Variants in TANC1 observed in about 807,000 individuals in gnomAD.
TANC1 encodes the protein protein TANC1.
In TANC1, 77 loss-of-function variants were observed where a neutral mutation model predicts 149.7. The observed-to-expected ratio is 0.51, with a 90% CI of 0.43 to 0.62. TANC1 has a LOEUF of 0.62. TANC1 is among the 20% of genes least tolerant of loss of function. TANC1 has a pLI of 0.00. For missense variants in TANC1, 1,985 were observed against 2,321.8 expected (o/e 0.85, Z 2.98); for synonymous variants, 854 against 925.0 (o/e 0.92, Z 1.39).
At position 159,219,664 on chromosome 2, in the gene TANC1, A is replaced by G. The variant is rs543046954; in HGVS notation, c.3503-28A>G. On this transcript the variant is annotated intron_variant, in intron 21 of 26. Transcript: ENST00000263635. Reference sequence around the variant, plus strand: ...CTGGCTTTGTCATCTCATAATGTTCATGTTCTGTGAATGGGCTTTCCTTTC... The same window carrying G: ...CTGGCTTTGTCATCTCATAATGTTCGTGTTCTGTGAATGGGCTTTCCTTTC... The G allele has an allele frequency of 4.3e-6, 7 of 1,613,816 alleles. No homozygotes were observed. In the African/African-American group the frequency reaches 8.0e-5, roughly 18 times the overall value.
At chr2:159,091,970 GT>G (rs59083447) in intron 3 of TANC1, among the ~76,000 whole-genome samples, 12,622 of 148,880 alleles carry the variant, frequency 0.085, 1,388 homozygotes, top group African/African-American at 0.26. Flanking sequence ...ATAGGGGGGG[GT>G]GTGTGTGTGT....
chr2:159,184,786 G>A (rs2056820549), intron 14 of TANC1, among the ~76,000 whole-genome samples: 1 of 152,152 alleles, frequency 6.6e-6, no homozygotes. Context: ...AAAACTTCAG[G>A]CCATTACAAG....
intron 7 of TANC1, among the ~76,000 whole-genome samples, chr2:159,162,024 G>A (rs932500212): frequency 3.3e-5 from 5 of 152,356 alleles, no homozygotes; most frequent in South Asian, 4.1e-4. Context: ...CAACCAGAGA[G>A]GGTGATAAGT....
chr2:159,228,939 G>T (rs770906180), intron 26 of TANC1, 43 bp downstream of exon 26: 6 of 1,520,338 alleles, frequency 3.9e-6, no homozygotes, highest in Non-Finnish European at 9.1e-7. Flanking sequence ...TTTTTTTCTT[G>T]TGGGATCAAA....
chr2:159,115,677 A>AT (rs1418716854), intron 4 of TANC1, among the ~76,000 whole-genome samples: 1 of 151,876 alleles, frequency 6.6e-6, no homozygotes, highest in African/African-American at 2.4e-5. Flanking sequence ...CCCTTAACTC[A>AT]TTTTTTGCAT....
In TANC1 at chr2:159,231,113, T is replaced by C. The variant is rs2060315601; in HGVS notation, c.*101T>C. ...TCAGAAAAATTATTTTTTAGCCATT[T>C]TTTTTCTTTGGGGTGGATCTGATGC... On this transcript the variant is annotated 3_prime_UTR_variant, in exon 27 of 27. Coordinates refer to ENST00000263635, the MANE Select transcript of TANC1 (RefSeq NM_033394.3). 2 of 1,057,898 alleles carry C rather than the reference T, an allele frequency of 1.9e-6. No homozygotes were observed. Among genetic ancestry groups the C allele is most frequent in the Non-Finnish European group, 2.7e-6 (2 of 743,496 alleles). The allele number at this position is 1,057,898 out of a possible 1,614,324, so 65.5% of individuals were successfully genotyped here. A position where few individuals can be genotyped will look rare whatever the true frequency, so the allele number is the denominator to read the frequency against.
At chr2:159,227,781 C>T in intron 24 of TANC1, 38 bp from the exon 25 acceptor site, 1 of 1,611,182 alleles carries the variant, frequency 6.2e-7, no homozygotes, top group Non-Finnish European at 8.5e-7. Context: ...TTTAGAACCT[C>T]TGAAAAAGGA....
chr2:159,158,950 A>G (rs1318117265), intron 7 of TANC1, among the ~76,000 whole-genome samples: 2 of 152,138 alleles, frequency 1.3e-5, no homozygotes, highest in Non-Finnish European at 2.9e-5. Flanking sequence ...GTTCTGATGA[A>G]TTGTTTGTGG....
chr2:159,228,904 C>G lies in TANC1; in HGVS notation c.4151+8C>G, dbSNP rs750807322. ...AGCGAAGAGAAATAGCAGGTACCGT[C>G]TGTGGTTATCTTTGTGTCTAGAGCT... On this transcript the variant is annotated splice_region_variant and intron_variant, in intron 26 of 26. Transcript: ENST00000263635. 6.2e-7 allele frequency: 1 copy of G among 1,607,012 alleles called. No homozygotes were observed. The highest frequency in any genetic ancestry group is 8.5e-7 in the Non-Finnish European group (1 of 1,173,648).
Position 159,194,480 on chromosome 2 carries a change from A to G in TANC1, c.2966A>G (p.Lys989Arg). 4.3e-6 allele frequency: 7 copies of G among 1,614,118 alleles called. No individual in the cohort carries two copies. Among genetic ancestry groups the G allele is most frequent in the South Asian group, 1.1e-5 (1 of 91,080 alleles). Residue 989 changes from lysine (K) to arginine (R), a missense_variant, in exon 17 of 27, where the codon AAG becomes AGG. Transcript: ENST00000263635. ...GHMKLVCLLT[K>R]KGVRVDHLDK... is the part of the protein sequence containing the mutation. ...ATGAAGCTGGTGTGTCTGCTGACCAAGAAGGGAGTGAGAGTAAGCGGCAGC... is the reference window on the plus strand; with the variant it reads ...ATGAAGCTGGTGTGTCTGCTGACCAGGAAGGGAGTGAGAGTAAGCGGCAGC...
At chr2:159,122,498 A>G (rs142225567) in intron 4 of TANC1, among the ~76,000 whole-genome samples, 74 of 152,214 alleles carry the variant, frequency 4.9e-4, no homozygotes, top group East Asian at 1.5e-3. Context: ...TTCTCATTGT[A>G]CAGATCTGTG....
chr2:159,023,827 G>A (rs11690570), intron 2 of TANC1, among the ~76,000 whole-genome samples: 1 of 151,978 alleles, frequency 6.6e-6, no homozygotes, highest in African/African-American at 2.4e-5. Flanking sequence ...AATTAACTGG[G>A]TATTATGGCA....
Position 159,230,809 on chromosome 2 carries a change from C to T in TANC1, c.5383C>T (p.His1795Tyr), listed in dbSNP as rs200598096. Residue 1795 changes from histidine to tyrosine, a missense_variant, in exon 27 of 27, where the codon CAC (histidine) becomes TAC (tyrosine). His to Tyr is a moderately conservative substitution (Grantham distance 83). This residue lies in a region of TANC1 where 920 missense variants were observed against 994.7 expected (regional missense o/e 0.92). Transcript: ENST00000263635. This position sits in a 1 kb window ranked among gnomAD's most constrained non-coding sequence, Gnocchi z 4.4. ...TGTTTCTACCCTGAGTGCAAGTGTC[C>T]ACAATGGGGCACAAGTGAAGGAGCT... ...CSVSTLSASV[H>Y]NGAQVKELEE... The T allele has an allele frequency of 3.7e-6, 6 of 1,614,162 alleles. No individual in the cohort carries two copies. The Admixed American group carries it at 1.0e-4, about 27-fold the overall frequency.
At chr2:159,110,060 C>G (rs1259123919) in intron 4 of TANC1, among the ~76,000 whole-genome samples, 5 of 152,186 alleles carry the variant, frequency 3.3e-5, no homozygotes, top group African/African-American at 9.7e-5. Flanking sequence ...GCATAAGTTA[C>G]TGCCACTGTG....
intron 19 of TANC1, among the ~76,000 whole-genome samples, chr2:159,210,163 C>A (rs554717662): frequency 6.6e-6 from 1 of 152,234 alleles, no homozygotes; most frequent in East Asian, 1.9e-4. Flanking sequence ...TTTCATACAT[C>A]CGTGGGTAAT....
intron 1 of TANC1, among the ~76,000 whole-genome samples, chr2:158,999,970 C>G (rs987890548): frequency 2.0e-5 from 3 of 152,130 alleles, no homozygotes; most frequent in African/African-American, 7.2e-5. Flanking sequence ...GAGATGGAAT[C>G]TCACTGTGTT....
At chr2:159,173,869 T>G (rs1206389114) in intron 11 of TANC1, among the ~76,000 whole-genome samples, 2 of 152,194 alleles carry the variant, frequency 1.3e-5, no homozygotes, top group Admixed American at 6.5e-5. Flanking sequence ...CTGTTGCACA[T>G]TTACTTTTGC....
chr2:159,064,608 T>C (rs1160601448), intron 2 of TANC1, among the ~76,000 whole-genome samples: 2 of 152,206 alleles, frequency 1.3e-5, no homozygotes, highest in Non-Finnish European at 2.9e-5. Flanking sequence ...CCAGCCTCCC[T>C]GGGTCTCTGT....
intron 19 of TANC1, 56 bp downstream of exon 19, chr2:159,199,109 T>C: frequency 7.3e-7 from 1 of 1,375,092 alleles, no homozygotes; most frequent in East Asian, 2.3e-5. Flanking sequence ...GTTTTAGCCC[T>C]ATTTTGGCCT....
Sources: gnomAD v4.1 joint callset for allele counts (sites outside exome capture counted in the v4.1 genomes callset) on GRCh38, gnomAD v4.1.1 for gene constraint, gnomAD v4.1.1 regional missense constraint, Gnocchi (gnomAD v3.1) non-coding constraint, MANE v1.5 for transcripts, NCBI Gene and HGNC (gene_info 2026-07-23, HGNC 2026-07-21) for gene names.